TIMM17A: variants seen among roughly 807,000 people sequenced by gnomAD.
The protein encoded by TIMM17A is translocase of inner mitochondrial membrane 17A.
TIMM17A carries 15 observed loss-of-function variants against 26.5 expected under a neutral mutation model. The ratio of observed to expected loss-of-function variants is 0.57; its 90% confidence interval spans 0.38 to 0.87. The LOEUF is 0.87. TIMM17A is among the 40% of genes least tolerant of loss of function. TIMM17A has a pLI of 0.00. For missense variants in TIMM17A, 201 were observed against 210.0 expected, an observed-to-expected ratio of 0.96 and a Z score of 0.27; for synonymous variants, 80 against 70.8, an observed-to-expected ratio of 1.13 and a Z score of -0.66.
chr1:201,959,763 A>C (rs1682489393), intron 3 of TIMM17A, among the ~76,000 whole-genome samples: 1 of 151,368 alleles, frequency 6.6e-6, no homozygotes, highest in Admixed American at 6.6e-5. Flanking sequence ...TCACAAGGTG[A>C]GGAGAGCGAG....
At chr1:201,969,385 T>G (rs766235891) in intron 5 of TIMM17A, 84 bp from the exon 6 acceptor site, 6 of 1,092,436 alleles carry the variant, frequency 5.5e-6, no homozygotes, top group Non-Finnish European at 8.1e-6. Flanking sequence ...TGTTGTTGAT[T>G]GATTTACTCT....
At chr1:201,964,647 T>A (rs941948531) in intron 4 of TIMM17A, among the ~76,000 whole-genome samples, 5,339 of 123,054 alleles carry the variant, frequency 0.043, 197 homozygotes, top group South Asian at 0.081. Flanking sequence ...TTTTTTTTTT[T>A]TTTTTTTTTT....
At chr1:201,966,404 C>T (rs942469516) in intron 5 of TIMM17A, among the ~76,000 whole-genome samples, 1 of 152,134 alleles carries the variant, frequency 6.6e-6, no homozygotes, top group Non-Finnish European at 1.5e-5. Flanking sequence ...TGGTGCATTC[C>T]TGTAGTTCCA....
chr1:201,965,061 C>T (rs564909133), intron 4 of TIMM17A, among the ~76,000 whole-genome samples: 1 of 152,188 alleles, frequency 6.6e-6, no homozygotes, highest in South Asian at 2.1e-4. Flanking sequence ...AAGCAATTCT[C>T]CTGCCTCAGC....
intron 3 of TIMM17A, chr1:201,963,409 A>G: frequency 4.0e-6 from 2 of 505,482 alleles, no homozygotes. Flanking sequence ...GCCGTTGCTA[A>G]TTTTCCAGCT....
At chr1:201,960,748 G>C (rs1453917940) in intron 3 of TIMM17A, among the ~76,000 whole-genome samples, 1 of 151,854 alleles carries the variant, frequency 6.6e-6, no homozygotes, top group African/African-American at 2.4e-5. Context: ...TGTTCTGAAA[G>C]GTGTTATATT....
intron 5 of TIMM17A, among the ~76,000 whole-genome samples, chr1:201,966,863 CAT>C (rs1308692747): frequency 1.0e-4 from 14 of 136,724 alleles, no homozygotes; most frequent in African/African-American, 3.0e-4. Flanking sequence ...ATATATATAA[CAT>C]ATATATGTTA....
intron 1 of TIMM17A, among the ~76,000 whole-genome samples, chr1:201,955,793 T>C (rs1351721096): frequency 1.3e-5 from 2 of 152,164 alleles, no homozygotes; most frequent in Non-Finnish European, 2.9e-5. Flanking sequence ...TGATGGATGG[T>C]AAGGAGGTCC....
chr1:201,957,709 G>T, intron 3 of TIMM17A, 135 bp downstream of exon 3: 1 of 629,792 alleles, frequency 1.6e-6, no homozygotes, highest in Admixed American at 3.6e-5. Flanking sequence ...TATCCCTATA[G>T]TTTCTTCTTG....
At chr1:201,960,614 G>GT in intron 3 of TIMM17A, among the ~76,000 whole-genome samples, 1 of 152,192 alleles carries the variant, frequency 6.6e-6, no homozygotes, top group Admixed American at 6.5e-5. Context: ...CTATTGAGAA[G>GT]TTTTTATGGT....
intron 3 of TIMM17A, chr1:201,957,941 C>G (rs1297990165): frequency 5.8e-6 from 1 of 173,894 alleles, no homozygotes. Flanking sequence ...AGTTTGAGAC[C>G]AGCCTGACCA....
intron 3 of TIMM17A, among the ~76,000 whole-genome samples, chr1:201,959,822 A>G (rs868180635): frequency 2.7e-4 from 41 of 151,296 alleles, no homozygotes; most frequent in African/African-American, 9.0e-4. Flanking sequence ...AAAATACTAA[A>G]AATACAAAAA....
chr1:201,969,670 T>C lies in TIMM17A; in HGVS notation c.*116T>C, dbSNP rs766148091. 19 of 781,294 alleles carry C rather than the reference T, an allele frequency of 2.4e-5. No individual in the cohort carries two copies. Among genetic ancestry groups the C allele is most frequent in the Non-Finnish European group, 2.9e-5 (14 of 475,022 alleles). 48.4% of individuals were successfully genotyped at this position (781,294 alleles called of 1,614,324 possible). A position where few individuals can be genotyped will look rare whatever the true frequency, so the allele number is the denominator to read the frequency against. On this transcript the variant is annotated 3_prime_UTR_variant, in exon 6 of 6. Coordinates refer to ENST00000367287, the MANE Select transcript of TIMM17A (RefSeq NM_006335.3). Reference sequence around the variant, plus strand: ...GGTGGGACAGCTATGGCCAATAGGCTATAAAGAGACATTTAGCACTTTTTT... The same window carrying C: ...GGTGGGACAGCTATGGCCAATAGGCCATAAAGAGACATTTAGCACTTTTTT...
chr1:201,969,226 C>T (rs1682689383), intron 5 of TIMM17A, among the ~76,000 whole-genome samples: 1 of 152,122 alleles, frequency 6.6e-6, no homozygotes, highest in Non-Finnish European at 1.5e-5. Flanking sequence ...ACTTTCCTAG[C>T]ATAGTGTTTG....
chr1:201,963,484 A>T (rs946822172), intron 3 of TIMM17A, 132 bp from the exon 4 acceptor site: 6 of 852,724 alleles, frequency 7.0e-6, no homozygotes, highest in Non-Finnish European at 7.3e-6. Flanking sequence ...TGTTTATTCA[A>T]ACTTGTGTTT....
intron 3 of TIMM17A, among the ~76,000 whole-genome samples, chr1:201,959,097 T>C (rs1173186331): frequency 6.6e-6 from 1 of 152,246 alleles, no homozygotes; most frequent in Non-Finnish European, 1.5e-5. Context: ...GGTTTTTGCT[T>C]GTTTTTTGAG....
intron 5 of TIMM17A, among the ~76,000 whole-genome samples, chr1:201,967,551 T>TTTATTTATTTATTTATTTAG: frequency 5.6e-5 from 1 of 17,828 alleles, no homozygotes; most frequent in Admixed American, 5.3e-4. Context: ...TATTTATTTA[T>TTTATTTATTTATTTATTTAG]TTTAATTTTT....
intron 5 of TIMM17A, among the ~76,000 whole-genome samples, chr1:201,967,703 C>A (rs992090848): frequency 7.2e-4 from 109 of 151,706 alleles, no homozygotes; most frequent in African/African-American, 2.6e-3. Flanking sequence ...CCGCTATGCC[C>A]GGCTAATTTT....
intron 3 of TIMM17A, among the ~76,000 whole-genome samples, chr1:201,962,049 A>G (rs1211589822): frequency 1.3e-5 from 2 of 152,034 alleles, no homozygotes; most frequent in East Asian, 1.9e-4. Context: ...TCTCCTCCTC[A>G]TCCTGCTTAG....
Sources: gnomAD v4.1 joint callset for allele counts (sites outside exome capture counted in the v4.1 genomes callset) on GRCh38, gnomAD v4.1.1 for gene constraint, MANE v1.5 for transcripts, NCBI Gene and HGNC (gene_info 2026-07-23, HGNC 2026-07-21) for gene names.